The following PKP1 variants were observed in gnomAD, a reference collection of about 807,000 sequenced individuals.
PKP1 encodes the protein plakophilin 1.
In PKP1, 27 loss-of-function variants were observed where a neutral mutation model predicts 76.4. The observed-to-expected ratio is 0.35, with a 90% CI of 0.26 to 0.49. The LOEUF (loss-of-function observed/expected upper bound fraction) is 0.49, where lower values mean the gene tolerates loss of function less well. Among genes scored for constraint, PKP1 ranks in the 20% least tolerant of loss-of-function variants. The pLI is 0.99. For synonymous variants in PKP1, 404 were observed against 384.2 expected (o/e 1.05, Z -0.60); for missense variants, 964 against 955.2 (o/e 1.01, Z -0.12).
chr1:201,285,589 G>C (rs1385314936), intron 1 of PKP1, among the ~76,000 whole-genome samples: 1 of 152,146 alleles, frequency 6.6e-6, no homozygotes, highest in Non-Finnish European at 1.5e-5. Context: ...CTACAGCCCA[G>C]AGCACAGCTC....
intron 3 of PKP1, 29 bp downstream of exon 3, chr1:201,313,589 C>A (rs1656635102): frequency 6.2e-7 from 1 of 1,600,464 alleles, no homozygotes; most frequent in Non-Finnish European, 8.5e-7. Flanking sequence ...GGTTGGGGAG[C>A]CAGGAGGGCC....
chr1:201,317,800 A>G lies in PKP1; in HGVS notation c.1054+21A>G, dbSNP rs1656808224. ...GACTGGTAGGACAACACGGCCACCGAGAGCCAGCCTGAGGGCTGTGCAAGG... is the reference window on the plus strand; with the variant it reads ...GACTGGTAGGACAACACGGCCACCGGGAGCCAGCCTGAGGGCTGTGCAAGG... On this transcript the variant is annotated intron_variant, in intron 5 of 13. Transcript: ENST00000367324. The G allele has an allele frequency of 2.5e-6, 4 of 1,608,382 alleles. No individual in the cohort carries two copies. The South Asian group carries it at 3.3e-5, about 13-fold the overall frequency.
Position 201,318,755 on chromosome 1 carries a change from G to A in PKP1, c.1192G>A (p.Val398Met). The change falls in exon 6 of 14, where the codon GTG becomes ATG. Residue 398 changes from valine to methionine, a missense_variant. Transcript: ENST00000367324. ...DGNSNMSREVVDPEVFFNATG... is the reference protein window; with the variant it reads ...DGNSNMSREVMDPEVFFNATG... ...CAATAGCAACATGTCCCGGGAAGTG[G>A]TGGACCCTGAGGTCTTCTTCAATGC... 6.2e-7 allele frequency: 1 copy of A among 1,610,694 alleles called. No homozygotes were observed. The highest frequency in any genetic ancestry group is 8.5e-7 in the Non-Finnish European group (1 of 1,179,244).
chr1:201,300,202 C>T (rs80026113), intron 2 of PKP1, among the ~76,000 whole-genome samples: 4,213 of 152,338 alleles, frequency 0.028, 77 homozygotes, highest in Admixed American at 0.042. Context: ...CGGGAGCGGG[C>T]GGGCCGGCTC....
At chr1:201,328,390 TA>T (rs929924694) in intron 12 of PKP1, 8 of 347,232 alleles carry the variant, frequency 2.3e-5, no homozygotes, top group Non-Finnish European at 3.9e-5. Context: ...CAGAATTGTT[TA>T]AAAAAAGAAA....
At chr1:201,310,060 G>C (rs1348843483) in intron 2 of PKP1, among the ~76,000 whole-genome samples, 1 of 152,120 alleles carries the variant, frequency 6.6e-6, no homozygotes, top group African/African-American at 2.4e-5. Context: ...ACTTTCCTGG[G>C]CTGTCTTGGC....
chr1:201,293,776 A>T (rs1571541159), intron 1 of PKP1, among the ~76,000 whole-genome samples, 166 bp from the exon 2 acceptor site: 2 of 152,248 alleles, frequency 1.3e-5, no homozygotes, highest in South Asian at 2.1e-4. Context: ...GCTGTGGAGG[A>T]TGTGGAGATA....
At chr1:201,318,356 T>A (rs1656831944) in intron 5 of PKP1, among the ~76,000 whole-genome samples, 3 of 152,232 alleles carry the variant, frequency 2.0e-5, no homozygotes, top group Admixed American at 2.0e-4. Flanking sequence ...CAAACGTTTT[T>A]TGATCACTTT....
At chr1:201,307,022 G>A (rs988295478) in intron 2 of PKP1, among the ~76,000 whole-genome samples, 2 of 152,172 alleles carry the variant, frequency 1.3e-5, no homozygotes, top group East Asian at 3.9e-4. Context: ...CCTGCACTGG[G>A]CATCAAGGTG....
chr1:201,300,247 T>C (rs1656188831), intron 2 of PKP1, among the ~76,000 whole-genome samples: 1 of 152,224 alleles, frequency 6.6e-6, no homozygotes. Context: ...GAGCATGCCG[T>C]GTGCTTTCAC....
intron 1 of PKP1, among the ~76,000 whole-genome samples, chr1:201,288,855 C>G (rs973547511): frequency 1.7e-4 from 26 of 152,168 alleles, no homozygotes; most frequent in African/African-American, 6.3e-4. Flanking sequence ...TGTGGCAGAG[C>G]TAGGTCTGAA....
intron 2 of PKP1, among the ~76,000 whole-genome samples, chr1:201,310,465 T>C (rs1656513723): frequency 1.3e-5 from 2 of 151,606 alleles, no homozygotes; most frequent in East Asian, 2.0e-4. Context: ...CCCAGTGAGC[T>C]GGAGGAAGCA....
At chr1:201,329,744 A>G (rs1657260957) in intron 13 of PKP1, among the ~76,000 whole-genome samples, 1 of 152,234 alleles carries the variant, frequency 6.6e-6, no homozygotes, top group Admixed American at 6.5e-5. Flanking sequence ...ATAAGACTTC[A>G]GATATCCTCT....
rs761063340 is a variant in PKP1 at position 201,313,457 on chromosome 1, C to G, written c.598C>G (p.Pro200Ala). 1 of 1,610,152 alleles carries G rather than the reference C, an allele frequency of 6.2e-7. No individual in the cohort carries two copies. Among genetic ancestry groups the G allele is most frequent in the Admixed American group, 1.7e-5 (1 of 59,410 alleles). ...TGGTCAGAAGGCCATAAAGAAGTGC[C>G]CTGTGCGCCCGCCCTCTTGTGCCTC... ...CSGQKAIKKCPVRPPSCASKQ... is the reference protein window; with the variant it reads ...CSGQKAIKKCAVRPPSCASKQ... The change falls in exon 3 of 14, where the codon CCT becomes GCT. Residue 200 changes from proline to alanine, a missense_variant. By Grantham distance (27) the Pro-to-Ala change is conservative. Coordinates refer to ENST00000367324, the MANE Select transcript of PKP1 (RefSeq NM_001005337.3).
At chr1:201,303,060 C>A (rs890372480) in intron 2 of PKP1, among the ~76,000 whole-genome samples, 22 of 152,230 alleles carry the variant, frequency 1.4e-4, no homozygotes, top group African/African-American at 5.3e-4. Context: ...CCACTACGGG[C>A]AATCATGTTT....
intron 2 of PKP1, among the ~76,000 whole-genome samples, chr1:201,306,100 A>G (rs1023216630): frequency 3.3e-5 from 5 of 152,378 alleles, no homozygotes; most frequent in South Asian, 4.1e-4. Context: ...AGGTCTGTGT[A>G]TGAAACCTTA....
chr1:201,316,850 G>C (rs942757079), intron 4 of PKP1, among the ~76,000 whole-genome samples, 153 bp downstream of exon 4: 8 of 152,212 alleles, frequency 5.3e-5, no homozygotes, highest in Admixed American at 4.6e-4. Context: ...CAAGGTTAGA[G>C]CTGGGCATCT....
chr1:201,301,350 G>T (rs1656223616), intron 2 of PKP1, among the ~76,000 whole-genome samples: 3 of 150,690 alleles, frequency 2.0e-5, no homozygotes, highest in Admixed American at 1.3e-4. Flanking sequence ...TCTGCAGGAA[G>T]GAACTCCACT....
In PKP1 at chr1:201,322,114, A is replaced by G. The variant is rs774911270; in HGVS notation, c.1484A>G (p.Asn495Ser). The G allele has an allele frequency of 1.9e-6, 3 of 1,611,686 alleles. No individual in the cohort carries two copies. In the South Asian group the frequency reaches 3.3e-5, roughly 18 times the overall value. ...TEKSSTGCFS[N>S]KSDKMMNNNY... ...AAGTCCTCCACTGGCTGCTTCAGCA[A>G]CAAGAGCGACAAGATGATGGTGAGC... Residue 495 changes from asparagine to serine, a missense_variant, in exon 8 of 14, where the codon AAC (asparagine) becomes AGC (serine). By Grantham distance (46) the Asn-to-Ser change is conservative. Transcript: ENST00000367324.
Sources: gnomAD v4.1 joint callset for allele counts (sites outside exome capture counted in the v4.1 genomes callset) on GRCh38, gnomAD v4.1.1 for gene constraint, MANE v1.5 for transcripts, NCBI Gene and HGNC (gene_info 2026-07-23, HGNC 2026-07-21) for gene names.